SATB2: variants seen among roughly 807,000 people sequenced by gnomAD.
The protein encoded by SATB2 is SATB homeobox 2.
In SATB2, 1 loss-of-function variant was observed where a neutral mutation model predicts 73.4. That is an observed-to-expected ratio of 0.01 (90% CI 0.00 to 0.06). The LOEUF (loss-of-function observed/expected upper bound fraction) is 0.06, where lower values mean the gene tolerates loss of function less well. SATB2 is among the 10% of genes least tolerant of loss of function. The pLI is 1.00. For synonymous variants in SATB2, 397 were observed against 367.0 expected (o/e 1.08, Z -0.93); for missense variants, 459 against 945.8 (o/e 0.49, Z 6.75).
chr2:199,280,775 G>A (rs564308851), intron 10 of SATB2, among the ~76,000 whole-genome samples: 8 of 152,210 alleles, frequency 5.3e-5, no homozygotes, highest in Middle Eastern at 3.4e-3. Context: ...ATGAAAATGC[G>A]TGCCCAAAAC....
At position 199,353,137 on chromosome 2, in the gene SATB2, C is replaced by G. The variant is rs1000095659; in HGVS notation, c.701-3964G>C. On this transcript the variant is annotated intron_variant, in intron 6 of 10. Transcript: ENST00000417098. ...AACACGATTTCAGAAACCATTTACACACGTTTTTGTCTTTTTTTTTTTTTT... is the reference window on the plus strand; with the variant it reads ...AACACGATTTCAGAAACCATTTACAGACGTTTTTGTCTTTTTTTTTTTTTT... Among the ~76,000 whole-genome samples, 5 of 146,112 alleles carry G rather than the reference C, an allele frequency of 3.4e-5. No individual in the cohort carries two copies. The Admixed American group carries it at 3.5e-4, about 10-fold the overall frequency.
chr2:199,401,018 T>G (rs1267970669), intron 3 of SATB2, among the ~76,000 whole-genome samples: 4 of 152,184 alleles, frequency 2.6e-5, no homozygotes, highest in Non-Finnish European at 4.4e-5. Flanking sequence ...TGTATTTTGT[T>G]GGACCCAAAA....
chr2:199,417,631 A>G (rs1691033039), intron 3 of SATB2, among the ~76,000 whole-genome samples: 1 of 152,186 alleles, frequency 6.6e-6, no homozygotes, highest in Admixed American at 6.5e-5. Context: ...TCCCAAGACT[A>G]TAACTCACTA....
chr2:199,374,169 T>A (rs764685971), intron 5 of SATB2, among the ~76,000 whole-genome samples: 8 of 152,174 alleles, frequency 5.3e-5, no homozygotes, highest in Non-Finnish European at 1.0e-4. Context: ...ACACCGGAAA[T>A]CTAGTAACAT....
intron 3 of SATB2, among the ~76,000 whole-genome samples, chr2:199,384,516 C>A (rs1689871505): frequency 1.3e-5 from 2 of 152,192 alleles, no homozygotes; most frequent in African/African-American, 4.8e-5. Context: ...CTGTGTTAAT[C>A]CTCTTTGCAA....
In SATB2 at chr2:199,373,997, T is replaced by C. The variant is rs377350633; in HGVS notation, c.598-5290A>G. Among the ~76,000 whole-genome samples the C allele has an allele frequency of 3.9e-5, 6 of 152,224 alleles. No homozygotes were observed. The East Asian group carries it at 5.8e-4, about 15-fold the overall frequency. On this transcript the variant is annotated intron_variant, in intron 5 of 10. Transcript: ENST00000417098. ...GATGAGCACATGCTCAATTTGTTTT[T>C]TTCTGCTGACCCAATTGGCTGCTTG...
Position 199,308,465 on chromosome 2 carries a change from T to C in SATB2, c.1740+295A>G. 6.6e-6 allele frequency among the ~76,000 whole-genome samples: 1 copy of C among 152,158 alleles called. No homozygotes were observed. Among genetic ancestry groups the C allele is most frequent in the East Asian group, 1.9e-4 (1 of 5,178 alleles). On this transcript the variant is annotated intron_variant, in intron 10 of 10. Transcript: ENST00000417098. The surrounding 1 kb of genome is among the most constrained non-coding windows in gnomAD (Gnocchi z 4.6). ...TTTAATTCTCCGTGAGCGCTCTGGC[T>C]TTACAATCCCACAAGTAAAATGATC...
intron 2 of SATB2, among the ~76,000 whole-genome samples, chr2:199,436,570 T>C (rs1691659436): frequency 6.6e-6 from 1 of 152,160 alleles, no homozygotes; most frequent in African/African-American, 2.4e-5. Flanking sequence ...GGGCTTATTC[T>C]TAGAAAAATT....
At chr2:199,449,156 A>G (rs2105948351) in intron 2 of SATB2, among the ~76,000 whole-genome samples, 1 of 152,196 alleles carries the variant, frequency 6.6e-6, no homozygotes, top group East Asian at 1.9e-4. Flanking sequence ...ATCAATTAAA[A>G]AGGGGAAAAA....
upstream of SATB2, among the ~76,000 whole-genome samples, chr2:199,461,452 A>G (rs2105965963): frequency 6.6e-6 from 1 of 152,376 alleles, no homozygotes; most frequent in South Asian, 2.1e-4. Flanking sequence ...TGTATCCCTC[A>G]AAAGGTTTAT....
At chr2:199,431,781 C>T (rs1441018421) in intron 3 of SATB2, among the ~76,000 whole-genome samples, 1 of 152,080 alleles carries the variant, frequency 6.6e-6, no homozygotes, top group South Asian at 2.1e-4. Context: ...CATGTGAGCT[C>T]GCGACGCGCT....
chr2:199,449,812 C>A (rs1692071819), intron 2 of SATB2, among the ~76,000 whole-genome samples: 1 of 152,078 alleles, frequency 6.6e-6, no homozygotes, highest in African/African-American at 2.4e-5. Flanking sequence ...TCCTTACTGG[C>A]ACCCTAAATT....
intron 7 of SATB2, chr2:199,329,366 A>T (rs1314071268): frequency 6.2e-6 from 1 of 161,040 alleles, no homozygotes; most frequent in East Asian, 1.7e-4. Context: ...ATCAATTTAA[A>T]AAAAAAACTG....
chr2:199,406,043 A>G (rs1690620626), intron 3 of SATB2, among the ~76,000 whole-genome samples: 1 of 152,238 alleles, frequency 6.6e-6, no homozygotes, highest in Non-Finnish European at 1.5e-5. Flanking sequence ...CATAGCATTT[A>G]CATTGTATTA....
Position 199,380,278 on chromosome 2 carries a change from C to G in SATB2, c.597+86G>C. The G allele has an allele frequency of 2.7e-6, 4 of 1,498,318 alleles. No individual in the cohort carries two copies. In the African/African-American group the frequency reaches 5.5e-5, roughly 21 times the overall value. The allele number at this position is 1,498,318 out of a possible 1,614,324, so 92.8% of individuals were successfully genotyped here. ...GTCTATAAATAAAAGACAGAGAAGA[C>G]AGTTGTTTAAGCAGAAGGAACCCCC... On this transcript the variant is annotated intron_variant, in intron 5 of 10. Transcript: ENST00000417098.
chr2:199,421,420 T>C (rs1425220366), intron 3 of SATB2, among the ~76,000 whole-genome samples: 1 of 152,194 alleles, frequency 6.6e-6, no homozygotes, highest in African/African-American at 2.4e-5. Context: ...AATAATGGGC[T>C]GTTCTCAAGC....
At chr2:199,377,677 C>G (rs1689644877) in intron 5 of SATB2, among the ~76,000 whole-genome samples, 1 of 152,030 alleles carries the variant, frequency 6.6e-6, no homozygotes, top group Admixed American at 6.6e-5. Context: ...GTCCGTACTT[C>G]CTACAGGGTG....
intron 7 of SATB2, among the ~76,000 whole-genome samples, chr2:199,344,535 T>A (rs1440225470): frequency 6.6e-6 from 1 of 152,212 alleles, no homozygotes; most frequent in Non-Finnish European, 1.5e-5. Flanking sequence ...TTAGAATGTA[T>A]AAATTAGCTA....
intron 2 of SATB2, among the ~76,000 whole-genome samples, chr2:199,437,904 T>C (rs150460422): frequency 6.6e-6 from 1 of 152,292 alleles, no homozygotes; most frequent in East Asian, 1.9e-4. Context: ...GAATGGCCTA[T>C]TATGCAAATG....
Sources: allele counts gnomAD v4.1 joint callset (sites outside exome capture counted in the v4.1 genomes callset), GRCh38; gene constraint gnomAD v4.1.1; non-coding constraint Gnocchi (gnomAD v3.1); transcripts MANE v1.5; gene names NCBI Gene and HGNC (gene_info 2026-07-23, HGNC 2026-07-21).